ROBO2: variants seen among roughly 807,000 people sequenced by gnomAD.
ROBO2 encodes the protein roundabout guidance receptor 2, also known as roundabout homolog 2.
A neutral mutation model predicts 160.8 loss-of-function variants in ROBO2; 53 were observed. The observed-to-expected ratio is 0.33, with a 90% confidence interval of 0.26 to 0.41. ROBO2 has a LOEUF of 0.41. Among genes scored for constraint, ROBO2 ranks in the 10% least tolerant of loss-of-function variants. The probability of loss-of-function intolerance (pLI) is 1.00; values close to 1 mark genes in which losing one functional copy is unlikely to be tolerated. For missense variants in ROBO2, 1,577 were observed against 1,722.4 expected (o/e 0.92, Z 1.49); for synonymous variants, 664 against 611.7 (o/e 1.09, Z -1.26).
At chr3:76,288,954 A>G (rs541656619) in intron 2 of ROBO2, among the ~76,000 whole-genome samples, 31 of 152,290 alleles carry the variant, frequency 2.0e-4, no homozygotes, top group Non-Finnish European at 3.8e-4. Context: ...TACTATGAAC[A>G]TATGCATGCA....
At chr3:76,117,620 G>A (rs1256728785) in intron 2 of ROBO2, among the ~76,000 whole-genome samples, 2 of 152,008 alleles carry the variant, frequency 1.3e-5, no homozygotes, top group African/African-American at 4.8e-5. Flanking sequence ...TGTAGTTGAG[G>A]TATTTTGTTT....
At chr3:76,037,447 G>A (rs1390823030) in intron 2 of ROBO2, among the ~76,000 whole-genome samples, 2 of 151,496 alleles carry the variant, frequency 1.3e-5, no homozygotes, top group African/African-American at 4.9e-5. Flanking sequence ...TACTAGAGAC[G>A]GGGTTTCACT....
chr3:77,134,176 C>CAA (rs577125248), intron 2 of ROBO2, among the ~76,000 whole-genome samples: 1 of 141,728 alleles, frequency 7.1e-6, no homozygotes, highest in African/African-American at 2.6e-5. Flanking sequence ...AACTTTGGCT[C>CAA]AAAAAAAAAA....
chr3:76,846,717 G>T (rs2068807498), intron 2 of ROBO2, among the ~76,000 whole-genome samples: 1 of 152,136 alleles, frequency 6.6e-6, no homozygotes, highest in East Asian at 1.9e-4. Flanking sequence ...AAACTATTTA[G>T]TTTCTTATTT....
chr3:76,407,732 A>G (rs2108807250), intron 2 of ROBO2, among the ~76,000 whole-genome samples: 1 of 152,156 alleles, frequency 6.6e-6, no homozygotes, highest in East Asian at 1.9e-4. Context: ...ACATACATAC[A>G]AACATAGGTG....
intron 10 of ROBO2, 127 bp from the exon 12 acceptor site, chr3:77,563,040 T>C: frequency 1.2e-6 from 1 of 844,532 alleles, no homozygotes; most frequent in Admixed American, 2.1e-5. Flanking sequence ...ACTTACATAC[T>C]TCTGATTCAT....
At chr3:77,034,175 TTATGA>T (rs2063489498) in intron 2 of ROBO2, among the ~76,000 whole-genome samples, 1 of 152,032 alleles carries the variant, frequency 6.6e-6, no homozygotes, top group African/African-American at 2.4e-5. Context: ...AATTGAAATG[TTATGA>T]TATGAAGTAT....
chr3:76,998,673 AC>A (rs567538675), intron 2 of ROBO2, among the ~76,000 whole-genome samples: 7 of 152,198 alleles, frequency 4.6e-5, no homozygotes, highest in African/African-American at 1.4e-4. Flanking sequence ...GAGTACAAAA[AC>A]CCTTCACATC....
At chr3:77,577,898 CA>C (rs1345617102) in intron 15 of ROBO2, among the ~76,000 whole-genome samples, 1 of 151,994 alleles carries the variant, frequency 6.6e-6, no homozygotes, top group Non-Finnish European at 1.5e-5. Context: ...AGATGGGACA[CA>C]GGGTAGGTTG....
At chr3:77,626,419 G>A (rs2095028365) in intron 23 of ROBO2, among the ~76,000 whole-genome samples, 1 of 152,036 alleles carries the variant, frequency 6.6e-6, no homozygotes. Context: ...TGCTCATAAT[G>A]CACACCTATT....
chr3:77,024,521 G>C (rs1578331399), intron 2 of ROBO2, among the ~76,000 whole-genome samples: 2 of 152,084 alleles, frequency 1.3e-5, no homozygotes, highest in Non-Finnish European at 2.9e-5. Flanking sequence ...CTATGATCTG[G>C]TGTTTAGGGA....
intron 2 of ROBO2, among the ~76,000 whole-genome samples, chr3:75,947,309 T>C (rs1241328910): frequency 6.6e-6 from 1 of 152,148 alleles, no homozygotes; most frequent in Non-Finnish European, 1.5e-5. Context: ...TAGATAATCA[T>C]AGCCTATACA....
intron 2 of ROBO2, among the ~76,000 whole-genome samples, chr3:76,127,704 C>T (rs2071045793): frequency 6.6e-6 from 1 of 151,858 alleles, no homozygotes; most frequent in Non-Finnish European, 1.5e-5. Flanking sequence ...TCTACACTTA[C>T]AGGTGATAAC....
intron 20 of ROBO2, among the ~76,000 whole-genome samples, chr3:77,605,223 A>AATTAAAGAG (rs1015014145): frequency 6.6e-6 from 1 of 150,550 alleles, no homozygotes; most frequent in Admixed American, 6.6e-5. Flanking sequence ...TATACACACA[A>AATTAAAGAG]ATTAAAGAGT....
At chr3:77,564,133 T>A (rs1012645196) in intron 11 of ROBO2, among the ~76,000 whole-genome samples, 4 of 152,168 alleles carry the variant, frequency 2.6e-5, no homozygotes, top group African/African-American at 9.7e-5. Context: ...TAATGCTAGG[T>A]ACTTAATTTT....
chr3:76,263,215 G>A (rs1273467405), intron 2 of ROBO2, among the ~76,000 whole-genome samples: 3 of 152,040 alleles, frequency 2.0e-5, no homozygotes, highest in Non-Finnish European at 2.9e-5. Context: ...AACAAGCACC[G>A]TTGAATCATG....
At chr3:77,371,137 G>C (rs974995707) in intron 2 of ROBO2, among the ~76,000 whole-genome samples, 12 of 152,192 alleles carry the variant, frequency 7.9e-5, no homozygotes, top group African/African-American at 2.9e-4. Flanking sequence ...TCTAAATTCA[G>C]ATTCATTTAA....
intron 2 of ROBO2, among the ~76,000 whole-genome samples, chr3:76,621,933 T>C (rs1350736842): frequency 6.6e-6 from 1 of 151,720 alleles, no homozygotes; most frequent in Admixed American, 6.6e-5. Flanking sequence ...TTGTAAGCCG[T>C]GTGGTTCATA....
At chr3:77,125,977 G>A (rs958898595) in intron 2 of ROBO2, among the ~76,000 whole-genome samples, 1 of 152,098 alleles carries the variant, frequency 6.6e-6, no homozygotes, top group African/African-American at 2.4e-5. Flanking sequence ...TTCAAAACTG[G>A]TTATTATCAT....
Sources: allele counts gnomAD v4.1 joint callset (sites outside exome capture counted in the v4.1 genomes callset), GRCh38; gene constraint gnomAD v4.1.1; transcripts MANE v1.5; gene names NCBI Gene and HGNC (gene_info 2026-07-23, HGNC 2026-07-21).